Variants in TOPORS observed in about 807,000 individuals in gnomAD.
TOPORS encodes TOP1 binding arginine/serine rich protein, E3 ubiquitin ligase, also known as E3 ubiquitin-protein ligase Topors.
TOPORS carries 25 observed loss-of-function variants against 81.4 expected under a neutral mutation model. The observed-to-expected ratio is 0.31, with a 90% confidence interval of 0.22 to 0.43. TOPORS has a LOEUF of 0.43. Among genes scored for constraint, TOPORS ranks in the 20% least tolerant of loss-of-function variants. The probability of loss-of-function intolerance (pLI) is 1.00; values close to 1 mark genes in which losing one functional copy is unlikely to be tolerated. For synonymous variants in TOPORS, 473 were observed against 456.6 expected (o/e 1.04, Z -0.46); for missense variants, 1,101 against 1,267.0 (o/e 0.87, Z 1.99).
rs773315728 is a variant in TOPORS at position 32,543,747 on chromosome 9, G to T, written c.778C>A (p.Arg260=). The T allele has an allele frequency of 6.2e-7, 1 of 1,611,616 alleles. No individual in the cohort carries two copies. Among genetic ancestry groups the T allele is most frequent in the East Asian group, 2.2e-5 (1 of 44,830 alleles). Residue 260 remains arginine (R), a synonymous_variant, in exon 3 of 3, where the codon CGA becomes AGA. Coordinates refer to ENST00000360538, the MANE Select transcript of TOPORS (RefSeq NM_005802.5). This position sits in a 1 kb window ranked among gnomAD's most constrained non-coding sequence, Gnocchi z 5.6. The part of the protein sequence containing the change: ...IQEQDIINFR[R]TLYRAGARVR... ...CGAGCACCAGCACGATAAAGAGTTC[G>T]TCTAAAATTAATAATATCTTGTTCT...
At position 32,542,511 on chromosome 9, in the gene TOPORS, A is replaced by C; in HGVS notation, c.2014T>G (p.Ser672Ala). The change falls in exon 3 of 3, where the codon TCT (serine) becomes GCT (alanine). Residue 672 changes from serine to alanine, a missense_variant. This residue lies in a region of TOPORS where 605 missense variants were observed against 636.1 expected (regional missense o/e 0.95). Coordinates refer to ENST00000360538, the MANE Select transcript of TOPORS (RefSeq NM_005802.5). Reference protein sequence around the residue: ...LSSESTSRSRSRSSDHGKRRS... With the variant: ...LSSESTSRSRARSSDHGKRRS... Reference sequence around the variant, plus strand: ...CTTTTACCATGATCACTGCTACGAGACCTTGATCTGCTTGTGCTTTCACTA... The same window carrying C: ...CTTTTACCATGATCACTGCTACGAGCCCTTGATCTGCTTGTGCTTTCACTA... The C allele has an allele frequency of 6.2e-7, 1 of 1,613,874 alleles. No individual in the cohort carries two copies. Among genetic ancestry groups the C allele is most frequent in the Non-Finnish European group, 8.5e-7 (1 of 1,180,014 alleles).
chr9:32,541,432 T>G lies in TOPORS; in HGVS notation c.3093A>C (p.Thr1031=), dbSNP rs772663730. Residue 1031 remains threonine, a synonymous_variant, in exon 3 of 3, where the codon ACA becomes ACC. Transcript: ENST00000360538. ...TACCAAGACATACTGACATTAATGA[T>G]GTCCGTGGCGATGGCAATTGCCTTG... ...EPSRQLPSPR[T]SLMSVCLGRD... 6 of 1,614,224 alleles carry G rather than the reference T, an allele frequency of 3.7e-6. No homozygotes were observed. Among genetic ancestry groups the G allele is most frequent in the Non-Finnish European group, 4.2e-6 (5 of 1,180,028 alleles).
In TOPORS at chr9:32,543,256, T is replaced by C. The variant is rs758608005; in HGVS notation, c.1269A>G (p.Pro423=). The C allele has an allele frequency of 1.9e-6, 3 of 1,613,684 alleles. No homozygotes were observed. In the African/African-American group the frequency reaches 4.0e-5, roughly 22 times the overall value. The change falls in exon 3 of 3, where the codon CCA becomes CCG. Residue 423 remains proline (P), a synonymous_variant. Transcript: ENST00000360538. The surrounding 1 kb of genome is among the most constrained non-coding windows in gnomAD (Gnocchi z 5.6). The part of the protein sequence containing the change: ...QAPWDDETPG[P]SYSSSEQVHV... ...GTACCTGCTCTGAGCTTGAGTAAGA[T>C]GGTCCTGGAGTTTCATCATCCCATG...
Position 32,541,702 on chromosome 9 carries a change from A to G in TOPORS, c.2823T>C (p.Ala941=). The G allele has an allele frequency of 6.2e-7, 1 of 1,614,204 alleles. No homozygotes were observed. Among genetic ancestry groups the G allele is most frequent in the Non-Finnish European group, 8.5e-7 (1 of 1,180,046 alleles). The change falls in exon 3 of 3, where the codon GCT becomes GCC. Residue 941 remains alanine, a synonymous_variant. Coordinates refer to ENST00000360538, the MANE Select transcript of TOPORS (RefSeq NM_005802.5). ...PQDPLQNEFL[A]PSLEPFETKD... ...TAGTTTCAAATGGTTCCAAGGAAGG[A>G]GCCAAAAACTCATTTTGTAGAGGGT...
chr9:32,550,529 C>T (rs1210751061), intron 2 of TOPORS, among the ~76,000 whole-genome samples: 1 of 152,228 alleles, frequency 6.6e-6, no homozygotes, highest in Non-Finnish European at 1.5e-5. Flanking sequence ...CAAGCTCTTT[C>T]CAGTACACGG....
intron 1 of TOPORS, chr9:32,551,618 C>T (rs774298826): frequency 1.6e-4 from 42 of 268,266 alleles, no homozygotes; most frequent in Non-Finnish European, 3.2e-4. Flanking sequence ...ACGTCTAGAG[C>T]CTAAGCGGCC....
intron 2 of TOPORS, among the ~76,000 whole-genome samples, chr9:32,547,756 TACA>T (rs965468494): frequency 6.6e-6 from 1 of 152,214 alleles, no homozygotes; most frequent in African/African-American, 2.4e-5. Flanking sequence ...GTGATGGTTG[TACA>T]ACTCTGTAAA....
rs550660279 is a variant in TOPORS, at chr9:32,542,718, G to T, written c.1807C>A (p.Arg603Ser). The T allele has an allele frequency of 6.2e-7, 1 of 1,613,814 alleles. No homozygotes were observed. The highest frequency in any genetic ancestry group is 1.3e-5 in the African/African-American group (1 of 74,880). ...TCATGCCCACTTCTACTCTGAGAAC[G>T]TGAATCTGAACTTCTTGATCTTCCC... ...KRGRSRSSDS[R>S]SQSRSGHDQK... The change falls in exon 3 of 3, where the codon CGT becomes AGT. Residue 603 changes from arginine to serine, a missense_variant. Physicochemically the swap from Arg to Ser is moderately radical, Grantham distance 110. Around this residue, in one of 9 missense-constraint regions of TOPORS, gnomAD observed 605 missense variants for 636.1 expected, o/e 0.95. Transcript: ENST00000360538.
At chr9:32,544,447 T>TA in intron 2 of TOPORS, 121 bp from the exon 3 acceptor site, 1 of 985,086 alleles carries the variant, frequency 1.0e-6, no homozygotes. Context: ...AGTGACCCAT[T>TA]ACTTTTGTTT....
At chr9:32,550,611 G>C (rs1250290563) in intron 2 of TOPORS, among the ~76,000 whole-genome samples, 163 bp downstream of exon 2, 2 of 152,112 alleles carry the variant, frequency 1.3e-5, no homozygotes, top group Non-Finnish European at 2.9e-5. Flanking sequence ...CCACAGGTGC[G>C]CGCAGGAGCC....
intron 2 of TOPORS, among the ~76,000 whole-genome samples, chr9:32,547,520 A>C (rs1023710678): frequency 6.6e-6 from 1 of 152,232 alleles, no homozygotes; most frequent in South Asian, 2.1e-4. Context: ...TTTGGCAATA[A>C]AAAGGAACAA....
At chr9:32,548,620 G>C (rs1305742229) in intron 2 of TOPORS, among the ~76,000 whole-genome samples, 1 of 152,150 alleles carries the variant, frequency 6.6e-6, no homozygotes, top group African/African-American at 2.4e-5. Flanking sequence ...GAAAAACACA[G>C]TGCTTCAGGT....
Position 32,542,084 on chromosome 9 carries a change from C to T in TOPORS, c.2441G>A (p.Arg814His), listed in dbSNP as rs752807518. The T allele has an allele frequency of 8.7e-6, 14 of 1,614,112 alleles. No individual in the cohort carries two copies. The highest frequency in any genetic ancestry group is 1.3e-5 in the African/African-American group (1 of 75,022). The change falls in exon 3 of 3, where the codon CGT becomes CAT. Residue 814 changes from arginine (R) to histidine (H), a missense_variant. Coordinates refer to ENST00000360538, the MANE Select transcript of TOPORS (RefSeq NM_005802.5). ...GTCCTTTGCTTTAGAAGCAAATTCA[C>T]GAGATGGCTGAGCCACTTCGTTAGT... ...EGTNEVAQPS[R>H]EFASKAKDSH...
In TOPORS at chr9:32,543,367, A is replaced by G. The variant is rs376749677; in HGVS notation, c.1158T>C (p.His386=). ...CPAPSYEEGS[H]SDSSVITISP... is the part of the protein sequence containing the mutation. ...ATATTGTTATGACTGAAGAATCAGA[A>G]TGGCTGCCTTCTTCGTATGAAGGAG... The change falls in exon 3 of 3, where the codon CAT becomes CAC. Residue 386 remains histidine (H), a synonymous_variant. Coordinates refer to ENST00000360538, the MANE Select transcript of TOPORS (RefSeq NM_005802.5). This position sits in a 1 kb window ranked among gnomAD's most constrained non-coding sequence, Gnocchi z 5.6. The G allele has an allele frequency of 5.5e-5, 89 of 1,614,084 alleles. No homozygotes were observed. The African/African-American group carries it at 7.5e-4, about 14-fold the overall frequency.
At chr9:32,551,802 T>A (rs1020727063) in intron 1 of TOPORS, 1 of 452,392 alleles carries the variant, frequency 2.2e-6, no homozygotes. Context: ...TGATACATTA[T>A]GGCGGGTAAC....
rs1821318416 is a variant in TOPORS, at chr9:32,552,563, A to G, written c.-127T>C. 23 of 1,249,576 alleles carry G rather than the reference A, an allele frequency of 1.8e-5. No individual in the cohort carries two copies. Among genetic ancestry groups the G allele is most frequent in the Non-Finnish European group, 2.6e-5 (23 of 873,070 alleles). 77.4% of individuals were successfully genotyped at this position (1,249,576 alleles called of 1,614,324 possible). ...AGGCCCTATTTCTTCAGCACCCAGA[A>G]ACTCCAAAATCCATTCCTGAATTAA... On this transcript the variant is annotated 5_prime_UTR_variant, in exon 1 of 3. Transcript: ENST00000360538.
At position 32,552,501 on chromosome 9, in the gene TOPORS, C is replaced by T. The variant is rs560145696; in HGVS notation, c.-65G>A. On this transcript the variant is annotated 5_prime_UTR_variant, in exon 1 of 3. Coordinates refer to ENST00000360538, the MANE Select transcript of TOPORS (RefSeq NM_005802.5). ...AGTGGTAAGTCCCGGGGATCGCGGG[C>T]CCCCACCGTGTCGACTCACTGGGCC... The T allele has an allele frequency of 7.6e-5, 120 of 1,572,034 alleles. No homozygotes were observed. In the African/African-American group the frequency reaches 1.1e-3, roughly 15 times the overall value.
rs1430224600 is a variant in TOPORS, at chr9:32,549,971, C to T, written c.198+803G>A. Among the ~76,000 whole-genome samples the T allele has an allele frequency of 3.9e-5, 6 of 152,178 alleles. No homozygotes were observed. The East Asian group carries it at 1.2e-3, about 29-fold the overall frequency. On this transcript the variant is annotated intron_variant, in intron 2 of 2. Transcript: ENST00000360538. ...AAAGAATTGGCTGGGAACCGTTCGC[C>T]TCTAAAACCACTCATTCCAGACAAG...
rs565791125 is a variant in TOPORS, at chr9:32,548,163, T to C, written c.198+2611A>G. The stretch of plus-strand genomic sequence containing the variant: ...CCGCGCCCAGCCCGGAATGTAATCT[T>C]AACAAAGCTGTTTAAAAATACAAAT... On this transcript the variant is annotated intron_variant, in intron 2 of 2. Coordinates refer to ENST00000360538, the MANE Select transcript of TOPORS (RefSeq NM_005802.5). 4.0e-5 allele frequency among the ~76,000 whole-genome samples: 6 copies of C among 151,582 alleles called. No individual in the cohort carries two copies. The South Asian group carries it at 1.3e-3, about 32-fold the overall frequency.
Sources: allele counts gnomAD v4.1 joint callset (sites outside exome capture counted in the v4.1 genomes callset), GRCh38; gene constraint gnomAD v4.1.1; regional missense constraint gnomAD v4.1.1; non-coding constraint Gnocchi (gnomAD v3.1); transcripts MANE v1.5; gene names NCBI Gene and HGNC (gene_info 2026-07-23, HGNC 2026-07-21).